WDR72: variants seen among roughly 807,000 people sequenced by gnomAD.
The protein encoded by WDR72 is WD repeat domain 72, also known as WD repeat-containing protein 72.
WDR72 carries 120 observed loss-of-function variants against 124.2 expected under a neutral mutation model. The ratio of observed to expected loss-of-function variants is 0.97; its 90% confidence interval spans 0.83 to 1.12. The LOEUF is 1.12. Among genes scored for constraint, WDR72 ranks in the 50% most tolerant of loss-of-function variants. The pLI, the probability that WDR72 is intolerant of heterozygous loss-of-function variation, is 0.00. For synonymous variants in WDR72, 452 were observed against 441.7 expected, an observed-to-expected ratio of 1.02 and a Z score of -0.29; for missense variants, 1,387 against 1,278.8, an observed-to-expected ratio of 1.08 and a Z score of -1.29.
intron 19 of WDR72, among the ~76,000 whole-genome samples, chr15:53,518,512 AT>A (rs1251833773): frequency 6.6e-6 from 1 of 152,068 alleles, no homozygotes; most frequent in African/African-American, 2.4e-5. Context: ...TAAGAATGTC[AT>A]ATTGTTAAAA....
intron 18 of WDR72, among the ~76,000 whole-genome samples, chr15:53,530,131 G>A (rs1294427565): frequency 6.6e-6 from 1 of 151,284 alleles, no homozygotes; most frequent in South Asian, 2.1e-4. Flanking sequence ...CATGACTTTG[G>A]TCTCTGAATA....
intron 13 of WDR72, among the ~76,000 whole-genome samples, chr15:53,681,455 G>A (rs1489570646): frequency 4.6e-5 from 7 of 152,040 alleles, no homozygotes; most frequent in South Asian, 4.2e-4. Context: ...TGAAGCCCCC[G>A]TAAACATTAA....
chr15:53,741,001 A>T (rs967509943), intron 1 of WDR72, among the ~76,000 whole-genome samples: 1 of 152,186 alleles, frequency 6.6e-6, no homozygotes, highest in African/African-American at 2.4e-5. Context: ...CCATATGTCA[A>T]ACTTTTTCAC....
At chr15:53,710,067 A>T (rs574677238) in intron 9 of WDR72, among the ~76,000 whole-genome samples, 1 of 152,318 alleles carries the variant, frequency 6.6e-6, no homozygotes, top group African/African-American at 2.4e-5. Context: ...CAGGCTTCCT[A>T]GAATGTCAGA....
chr15:53,666,299 G>A (rs1289712496), intron 13 of WDR72, among the ~76,000 whole-genome samples: 1 of 152,074 alleles, frequency 6.6e-6, no homozygotes. Context: ...GTATTGTTGT[G>A]ATTATATCCT....
intron 18 of WDR72, among the ~76,000 whole-genome samples, chr15:53,548,460 A>G (rs1017713117): frequency 1.3e-5 from 2 of 152,172 alleles, no homozygotes; most frequent in Non-Finnish European, 2.9e-5. Context: ...GGCTGACTTC[A>G]AAGAGAGTGA....
At chr15:53,590,214 C>T (rs2012426004) in intron 18 of WDR72, among the ~76,000 whole-genome samples, 1 of 151,878 alleles carries the variant, frequency 6.6e-6, no homozygotes, top group South Asian at 2.1e-4. Context: ...TTCCCCTGTA[C>T]CCCCAACCCT....
intron 13 of WDR72, among the ~76,000 whole-genome samples, chr15:53,697,936 G>C (rs1426244415): frequency 6.6e-6 from 1 of 152,096 alleles, no homozygotes; most frequent in Non-Finnish European, 1.5e-5. Flanking sequence ...AGCCTCCCGA[G>C]TAGCTGGGAC....
Position 53,609,507 on chromosome 15 carries a change from T to A in WDR72, c.2952+6A>T. The stretch of plus-strand genomic sequence containing the variant: ...AATAACGTCATGAATGTGAATTATA[T>A]CATACCTGCACAGACTGGTCTCTCC... On this transcript the variant is annotated splice_donor_region_variant and intron_variant, in intron 17 of 19. Transcript: ENST00000360509. 1.2e-6 allele frequency: 2 copies of A among 1,612,262 alleles called. No homozygotes were observed. Among genetic ancestry groups the A allele is most frequent in the Non-Finnish European group, 1.7e-6 (2 of 1,178,602 alleles).
intron 17 of WDR72, among the ~76,000 whole-genome samples, chr15:53,608,830 A>G (rs997637977): frequency 2.6e-5 from 4 of 151,914 alleles, no homozygotes; most frequent in Admixed American, 6.6e-5. Context: ...AGAGTAGAAG[A>G]ATGGTTAGCA....
At chr15:53,529,160 ATATAT>A (rs1411464189) in intron 18 of WDR72, among the ~76,000 whole-genome samples, 2 of 51,182 alleles carry the variant, frequency 3.9e-5, no homozygotes, top group Non-Finnish European at 7.5e-5. Flanking sequence ...ATATATATAT[ATATAT>A]TTTTTTTTTT....
At chr15:53,566,856 A>G (rs988546811) in intron 18 of WDR72, among the ~76,000 whole-genome samples, 1 of 151,982 alleles carries the variant, frequency 6.6e-6, no homozygotes, top group African/African-American at 2.4e-5. Flanking sequence ...GTCCCCAAAC[A>G]CAGGAAAGAA....
At chr15:53,665,855 TC>T in intron 13 of WDR72, 87 bp from the exon 14 acceptor site, 1 of 1,325,242 alleles carries the variant, frequency 7.5e-7, no homozygotes. Context: ...AGCAGAAGAA[TC>T]ACAATCCTTT....
At chr15:53,682,031 C>T (rs1336123087) in intron 13 of WDR72, among the ~76,000 whole-genome samples, 2 of 152,116 alleles carry the variant, frequency 1.3e-5, no homozygotes, top group African/African-American at 2.4e-5. Context: ...GACAAAAACT[C>T]TAAATTTGGG....
chr15:53,726,225 T>C (rs2018025808), intron 2 of WDR72, among the ~76,000 whole-genome samples: 1 of 142,550 alleles, frequency 7.0e-6, no homozygotes, highest in Non-Finnish European at 1.5e-5. Context: ...TATGTGTATA[T>C]ATATATATAT....
At chr15:53,758,178 T>C (rs2018964683) in intron 1 of WDR72, among the ~76,000 whole-genome samples, 1 of 152,044 alleles carries the variant, frequency 6.6e-6, no homozygotes. Flanking sequence ...CCCAGCTGAT[T>C]TTTGTAGAGA....
intron 11 of WDR72, among the ~76,000 whole-genome samples, chr15:53,704,480 C>A (rs1333868144): frequency 6.6e-6 from 1 of 151,604 alleles, no homozygotes; most frequent in Non-Finnish European, 1.5e-5. Flanking sequence ...GAGAAAAAAT[C>A]ATTTCTTATT....
chr15:53,569,459 G>A (rs548965403), intron 18 of WDR72, among the ~76,000 whole-genome samples: 13 of 152,132 alleles, frequency 8.5e-5, no homozygotes, highest in South Asian at 6.2e-4. Context: ...TTTGAAGCAC[G>A]TGTCTATCAG....
chr15:53,719,818 T>C (rs983812336), intron 3 of WDR72, among the ~76,000 whole-genome samples: 1 of 152,306 alleles, frequency 6.6e-6, no homozygotes, highest in East Asian at 1.9e-4. Flanking sequence ...GTGATTCTGG[T>C]GCACGCTCAG....
Sources: gnomAD v4.1 joint callset for allele counts (sites outside exome capture counted in the v4.1 genomes callset) on GRCh38, gnomAD v4.1.1 for gene constraint, MANE v1.5 for transcripts, NCBI Gene and HGNC (gene_info 2026-07-23, HGNC 2026-07-21) for gene names.